IQCJ: variants seen among roughly 807,000 people sequenced by gnomAD.
IQCJ encodes IQ motif containing J.
IQCJ carries 9 observed loss-of-function variants against 11.0 expected under a neutral mutation model. The observed-to-expected ratio is 0.82, with a 90% CI of 0.49 to 1.43. The LOEUF (loss-of-function observed/expected upper bound fraction) is 1.43. Ranked by LOEUF, IQCJ falls within the 40% of genes most tolerant of loss-of-function variation. IQCJ has a pLI of 0.00. For missense variants in IQCJ, 146 were observed against 133.2 expected, an observed-to-expected ratio of 1.10 and a Z score of -0.47; for synonymous variants, 55 against 51.3, an observed-to-expected ratio of 1.07 and a Z score of -0.31.
chr3:159,073,812 G>GA (rs1405421574), intron 1 of IQCJ, among the ~76,000 whole-genome samples: 4 of 152,106 alleles, frequency 2.6e-5, no homozygotes, highest in African/African-American at 4.8e-5. Context: ...GACCCTGTGT[G>GA]ATCTGACTGC....
At chr3:159,149,456 C>G (rs11717303) in intron 1 of IQCJ, among the ~76,000 whole-genome samples, 38,424 of 151,904 alleles carry the variant, frequency 0.25, 5,926 homozygotes, top group South Asian at 0.4. Context: ...AAAAATAGAG[C>G]TTTTTTTTCC....
At chr3:159,163,012 C>T (rs2108223861) in intron 1 of IQCJ, among the ~76,000 whole-genome samples, 1 of 152,322 alleles carries the variant, frequency 6.6e-6, no homozygotes. Context: ...GAACTGGTAC[C>T]ATTCCTTCTG....
chr3:159,206,908 A>C (rs549640412), intron 1 of IQCJ, among the ~76,000 whole-genome samples: 2 of 152,212 alleles, frequency 1.3e-5, no homozygotes, highest in Non-Finnish European at 2.9e-5. Context: ...CTTTCAAGTA[A>C]ATTTGAAGTT....
At chr3:159,245,963 A>G in intron 2 of IQCJ, 56 bp downstream of exon 2, 1 of 1,335,098 alleles carries the variant, frequency 7.5e-7, no homozygotes, top group African/African-American at 1.5e-5. Context: ...TTGAGTAAAA[A>G]GAAAATCTTT....
At position 159,182,644 on chromosome 3, in the gene IQCJ, G is replaced by A. The variant is rs56371472; in HGVS notation, c.10-63199G>A. Among the ~76,000 whole-genome samples the A allele has an allele frequency of 2.2e-4, 33 of 152,020 alleles. No individual in the cohort carries two copies. In the South Asian group the frequency reaches 6.6e-3, roughly 31 times the overall value. On this transcript the variant is annotated intron_variant, in intron 1 of 3. Transcript: ENST00000397832. ...TCGTGATCGATTGAGCAAGCAGGGG[G>A]TACGTGACTGGGGGCTGCATGCACC...
intron 1 of IQCJ, among the ~76,000 whole-genome samples, chr3:159,189,393 C>T (rs1282517985): frequency 6.6e-6 from 1 of 152,058 alleles, no homozygotes; most frequent in Admixed American, 6.5e-5. Flanking sequence ...AACGTTTAGT[C>T]CTTTACAGTT....
chr3:159,076,350 T>A (rs1326773146), intron 1 of IQCJ, among the ~76,000 whole-genome samples: 1 of 152,158 alleles, frequency 6.6e-6, no homozygotes, highest in African/African-American at 2.4e-5. Flanking sequence ...TATGACCATG[T>A]ATATGTAATT....
intron 1 of IQCJ, among the ~76,000 whole-genome samples, chr3:159,094,256 T>C (rs1314613962): frequency 2.0e-5 from 3 of 151,462 alleles, no homozygotes. Flanking sequence ...TATGTTTGGT[T>C]AAAAAAACTA....
At chr3:159,253,610 AACAC>A (rs5853857) in intron 3 of IQCJ, among the ~76,000 whole-genome samples, 35,568 of 149,454 alleles carry the variant, frequency 0.24, 4,810 homozygotes, top group African/African-American at 0.38. Flanking sequence ...CTCCCTCACA[AACAC>A]ACACACACAC....
At chr3:159,246,579 C>A (rs952447434) in intron 2 of IQCJ, among the ~76,000 whole-genome samples, 8 of 152,106 alleles carry the variant, frequency 5.3e-5, no homozygotes, top group African/African-American at 1.2e-4. Context: ...ACTGGCTGAG[C>A]CCTAATGTAC....
At chr3:159,156,676 G>A (rs1020727282) in intron 1 of IQCJ, among the ~76,000 whole-genome samples, 2 of 152,168 alleles carry the variant, frequency 1.3e-5, no homozygotes, top group Non-Finnish European at 2.9e-5. Context: ...ATATCTTGGG[G>A]AAGGAGTGCA....
At chr3:159,105,771 C>T (rs1718216992) in intron 1 of IQCJ, among the ~76,000 whole-genome samples, 1 of 152,048 alleles carries the variant, frequency 6.6e-6, no homozygotes, top group Admixed American at 6.5e-5. Flanking sequence ...GCTTGGTGAA[C>T]ACATGTGGGA....
At chr3:159,144,142 C>A (rs1335224885) in intron 1 of IQCJ, among the ~76,000 whole-genome samples, 1 of 152,116 alleles carries the variant, frequency 6.6e-6, no homozygotes, top group Non-Finnish European at 1.5e-5. Flanking sequence ...GTGGAGGGGG[C>A]ACGAACATTC....
rs190229627 is a variant in IQCJ at position 159,165,736 on chromosome 3, C to T, written c.10-80107C>T. Among the ~76,000 whole-genome samples, 567 of 151,102 alleles carry T rather than the reference C, an allele frequency of 3.8e-3. 5 individuals are homozygous for T. The highest frequency in any genetic ancestry group is 0.013 in the African/African-American group (547 of 41,106). Reference sequence around the variant, plus strand: ...TCAAGCAATTCTCCTGCCTCAGCCTCCTGAGTAGCTGGGACTACAGGCATG... The same window carrying T: ...TCAAGCAATTCTCCTGCCTCAGCCTTCTGAGTAGCTGGGACTACAGGCATG... On this transcript the variant is annotated intron_variant, in intron 1 of 3. Transcript: ENST00000397832.
At chr3:159,229,897 CCA>C (rs1726143561) in intron 1 of IQCJ, among the ~76,000 whole-genome samples, 1 of 118,550 alleles carries the variant, frequency 8.4e-6, no homozygotes, top group South Asian at 3.4e-4. Flanking sequence ...GCCACCTCAA[CCA>C]CAGTTTTGTT....
intron 3 of IQCJ, among the ~76,000 whole-genome samples, chr3:159,258,557 A>G (rs1728031606): frequency 6.6e-6 from 1 of 152,166 alleles, no homozygotes; most frequent in Non-Finnish European, 1.5e-5. Context: ...TGAGAGAATC[A>G]ACACAAAAAA....
intron 1 of IQCJ, among the ~76,000 whole-genome samples, chr3:159,119,745 C>A (rs909011421): frequency 6.6e-6 from 1 of 152,076 alleles, no homozygotes; most frequent in Non-Finnish European, 1.5e-5. Flanking sequence ...TGATCAAAAT[C>A]TCATGCAGAA....
intron 1 of IQCJ, among the ~76,000 whole-genome samples, chr3:159,156,428 A>C (rs1721525948): frequency 6.6e-6 from 1 of 152,218 alleles, no homozygotes; most frequent in Admixed American, 6.5e-5. Flanking sequence ...TTCTGGGTGC[A>C]GAATAAGCAG....
At chr3:159,201,043 A>C (rs1279730589) in intron 1 of IQCJ, among the ~76,000 whole-genome samples, 1 of 152,202 alleles carries the variant, frequency 6.6e-6, no homozygotes, top group Non-Finnish European at 1.5e-5. Context: ...GAAGTAAAGA[A>C]GTATATGTAG....
Sources: allele counts gnomAD v4.1 joint callset (sites outside exome capture counted in the v4.1 genomes callset), GRCh38; gene constraint gnomAD v4.1.1; transcripts MANE v1.5; gene names NCBI Gene and HGNC (gene_info 2026-07-23, HGNC 2026-07-21).